MAGI2: variants seen among roughly 807,000 people sequenced by gnomAD.
MAGI2 encodes the protein membrane associated guanylate kinase, WW and PDZ domain containing 2.
A neutral mutation model predicts 133.3 loss-of-function variants in MAGI2; 35 were observed. That is an observed-to-expected ratio of 0.26 (90% CI 0.20 to 0.35). The LOEUF (loss-of-function observed/expected upper bound fraction) is 0.35. Ranked by LOEUF, MAGI2 falls within the 10% of genes least tolerant of loss-of-function variation. MAGI2 has a pLI of 1.00. For synonymous variants in MAGI2, 729 were observed against 710.6 expected (o/e 1.03, Z -0.41); for missense variants, 1,636 against 1,863.4 (o/e 0.88, Z 2.25).
intron 2 of MAGI2, among the ~76,000 whole-genome samples, chr7:78,880,959 C>T (rs1193705720): frequency 1.3e-5 from 2 of 152,068 alleles, no homozygotes; most frequent in African/African-American, 4.8e-5. Flanking sequence ...CCAATGACAG[C>T]ACAAAAGGAC....
At chr7:78,775,883 C>G (rs763022651) in intron 2 of MAGI2, among the ~76,000 whole-genome samples, 1 of 152,134 alleles carries the variant, frequency 6.6e-6, no homozygotes, top group African/African-American at 2.4e-5. Context: ...AGCTGGAAAC[C>G]AAAATTTAGT....
intron 3 of MAGI2, among the ~76,000 whole-genome samples, chr7:78,557,420 C>T (rs1799947449): frequency 6.6e-6 from 1 of 152,150 alleles, no homozygotes; most frequent in Non-Finnish European, 1.5e-5. Flanking sequence ...CAAAAGGCTG[C>T]CTTTCTTCCA....
Position 78,577,619 on chromosome 7 carries a change from G to A in MAGI2, c.538+49501C>T, listed in dbSNP as rs547128465. On this transcript the variant is annotated intron_variant, in intron 3 of 21. Transcript: ENST00000354212. ...GGGGTGGGGCTGTTTTATAGGATTTGGGTAGGTAAAGGAAAAAGGGGGGTT... is the reference window on the plus strand; with the variant it reads ...GGGGTGGGGCTGTTTTATAGGATTTAGGTAGGTAAAGGAAAAAGGGGGGTT... 3.2e-4 allele frequency among the ~76,000 whole-genome samples: 48 copies of A among 151,522 alleles called. 1 individual carries two copies. The highest frequency in any genetic ancestry group is 3.4e-3 in the Middle Eastern group (1 of 294).
intron 9 of MAGI2, among the ~76,000 whole-genome samples, chr7:78,314,535 G>T (rs979629011): frequency 1.3e-5 from 2 of 152,138 alleles, no homozygotes; most frequent in African/African-American, 4.8e-5. Context: ...CTAGCCCTAA[G>T]GAGCAATGAT....
At chr7:79,213,270 G>A (rs569107243) in intron 1 of MAGI2, among the ~76,000 whole-genome samples, 3 of 151,138 alleles carry the variant, frequency 2.0e-5, no homozygotes, top group South Asian at 4.2e-4. Context: ...ATATATGTGG[G>A]TGTGTATATA....
rs1413880167 is a variant in MAGI2 at position 79,011,924 on chromosome 7, C to CCTTCCTTCCTTTCTTTCTTTCTTTCTTT, written c.302-4719_302-4718insAAAGAAAGAAAGAAAGAAAGGAAGGAAG. 2.3e-4 allele frequency among the ~76,000 whole-genome samples: 28 copies of CCTTCCTTCCTTTCTTTCTTTCTTTCTTT among 121,276 alleles called. No homozygotes were observed. The East Asian group carries it at 2.9e-3, about 13-fold the overall frequency. The allele number at this position is 121,276 out of a possible 152,430, so 79.6% of individuals were successfully genotyped here. A position where few individuals can be genotyped will look rare whatever the true frequency, so the allele number is the denominator to read the frequency against. ...TCCTTCCTTCCTTCCTTCCTTCCTT[C>CCTTCCTTCCTTTCTTTCTTTCTTTCTTT]CTTTCTTTCTTTCTTTCTTTCTTTC... On this transcript the variant is annotated intron_variant, in intron 1 of 21. Transcript: ENST00000354212.
chr7:79,044,934 A>C (rs1812034602), intron 1 of MAGI2, among the ~76,000 whole-genome samples: 1 of 152,188 alleles, frequency 6.6e-6, no homozygotes, highest in African/African-American at 2.4e-5. Flanking sequence ...CTTGTTATTT[A>C]CCTGAGGAAA....
intron 2 of MAGI2, among the ~76,000 whole-genome samples, chr7:78,954,577 T>C (rs1802140353): frequency 6.6e-6 from 1 of 152,090 alleles, no homozygotes. Context: ...ATCGACAATA[T>C]GCCCTGGAAT....
At chr7:78,654,278 T>G (rs540197082) in intron 2 of MAGI2, among the ~76,000 whole-genome samples, 272 of 152,296 alleles carry the variant, frequency 1.8e-3, no homozygotes, top group African/African-American at 6.4e-3. Flanking sequence ...CATACTACCT[T>G]CCTCATATGA....
intron 20 of MAGI2, among the ~76,000 whole-genome samples, chr7:78,107,396 A>G (rs940413575): frequency 6.6e-6 from 1 of 152,116 alleles, no homozygotes; most frequent in Non-Finnish European, 1.5e-5. Context: ...TGTCATTGGT[A>G]TTTTGATAGG....
intron 3 of MAGI2, chr7:78,617,456 A>G (rs1038438606): frequency 6.6e-6 from 1 of 152,106 alleles, no homozygotes; most frequent in Admixed American, 6.6e-5. Context: ...TATAGATACA[A>G]CCTATAACGG....
intron 18 of MAGI2, among the ~76,000 whole-genome samples, chr7:78,128,503 A>T (rs1000605944): frequency 3.9e-5 from 6 of 152,236 alleles, no homozygotes; most frequent in Admixed American, 6.5e-5. Context: ...AGCAGCAAGA[A>T]AAAGCTCAAA....
intron 2 of MAGI2, among the ~76,000 whole-genome samples, chr7:78,730,053 T>C (rs567668460): frequency 7.9e-5 from 12 of 152,306 alleles, no homozygotes; most frequent in Non-Finnish European, 1.5e-4. Context: ...TCCTCTGTTA[T>C]CTTTGAAATA....
intron 1 of MAGI2, among the ~76,000 whole-genome samples, chr7:79,315,248 TC>T (rs1345658733): frequency 6.6e-6 from 1 of 150,434 alleles, no homozygotes; most frequent in Non-Finnish European, 1.5e-5. Flanking sequence ...AACCTACACC[TC>T]TTGGGTTCAA....
intron 1 of MAGI2, among the ~76,000 whole-genome samples, chr7:79,337,604 T>C (rs1426613455): frequency 6.6e-6 from 1 of 152,168 alleles, no homozygotes; most frequent in African/African-American, 2.4e-5. Context: ...AAAGTGATGA[T>C]TTTAATCCAT....
chr7:79,118,265 T>A (rs1819579884), intron 1 of MAGI2, among the ~76,000 whole-genome samples: 1 of 152,196 alleles, frequency 6.6e-6, no homozygotes, highest in Non-Finnish European at 1.5e-5. Flanking sequence ...TATTTGGGTG[T>A]ACACTTTATG....
intron 1 of MAGI2, among the ~76,000 whole-genome samples, chr7:79,052,380 A>AAAGCACAGCATTAAGCC (rs1176247157): frequency 6.6e-6 from 1 of 152,238 alleles, no homozygotes; most frequent in Admixed American, 6.5e-5. Flanking sequence ...CAAGACAGTG[A>AAAGCACAGCATTAAGCC]AAGCACAGCA....
intron 1 of MAGI2, among the ~76,000 whole-genome samples, chr7:79,228,599 ACT>A (rs1045359936): frequency 6.6e-6 from 1 of 152,028 alleles, no homozygotes; most frequent in African/African-American, 2.4e-5. Flanking sequence ...TGACACAAGC[ACT>A]CTCTTCCAAC....
At chr7:78,555,190 T>TTGGATGGA (rs369587265) in intron 3 of MAGI2, among the ~76,000 whole-genome samples, 12 of 138,870 alleles carry the variant, frequency 8.6e-5, no homozygotes, top group African/African-American at 2.7e-4. Flanking sequence ...TAGAGGACGG[T>TTGGATGGA]TGGATGGATG....
Sources: gnomAD v4.1 joint callset for allele counts (sites outside exome capture counted in the v4.1 genomes callset) on GRCh38, gnomAD v4.1.1 for gene constraint, MANE v1.5 for transcripts, NCBI Gene and HGNC (gene_info 2026-07-23, HGNC 2026-07-21) for gene names.